ASPH: variants seen among roughly 807,000 people sequenced by gnomAD.
ASPH encodes the protein aspartate beta-hydroxylase.
ASPH carries 100 observed loss-of-function variants against 118.4 expected under a neutral mutation model. The observed-to-expected ratio is 0.84, with a 90% CI of 0.72 to 1.00. The LOEUF is 1.00. ASPH is among the 50% of genes least tolerant of loss of function. The pLI is 0.00. For synonymous variants in ASPH, 315 were observed against 325.6 expected (o/e 0.97, Z 0.35); for missense variants, 920 against 919.5 (o/e 1.00, Z -0.01).
At chr8:61,585,787 G>A (rs1344641589) in intron 14 of ASPH, among the ~76,000 whole-genome samples, 1 of 152,162 alleles carries the variant, frequency 6.6e-6, no homozygotes, top group Non-Finnish European at 1.5e-5. Flanking sequence ...AGGGAAGGCT[G>A]TGTGGTTAAG....
intron 3 of ASPH, among the ~76,000 whole-genome samples, chr8:61,669,156 C>T (rs1379968694): frequency 6.6e-6 from 1 of 152,134 alleles, no homozygotes; most frequent in African/African-American, 2.4e-5. Flanking sequence ...CAAGAAAGTC[C>T]CCAAAGCCAT....
intron 1 of ASPH, chr8:61,687,671 T>G (rs1831069417): frequency 6.6e-6 from 1 of 152,196 alleles, no homozygotes; most frequent in African/African-American, 2.4e-5. Context: ...TAATCTTCAG[T>G]ACAAGACAGT....
Position 61,680,969 on chromosome 8 carries a change from T to A in ASPH, c.321A>T (p.Leu107Phe). ...DFDVDDAKVL[L>F]GLKERSTSEP... is the part of the protein sequence containing the mutation. ...AAAAAACATAAAATGTGTACTTGCC[T>A]AATAAAACTTTGGCATCATCCACAT... Residue 107 changes from leucine (L) to phenylalanine (F), a missense_variant and splice_region_variant, in exon 3 of 25, where the codon TTA becomes TTT. Physicochemically the swap from Leu to Phe is conservative, Grantham distance 22. Transcript: ENST00000379454. 1.7e-5 allele frequency: 27 copies of A among 1,599,578 alleles called. No homozygotes were observed. The highest frequency in any genetic ancestry group is 2.3e-5 in the Non-Finnish European group (27 of 1,172,598).
intron 3 of ASPH, chr8:61,675,651 C>A: frequency 1.0e-6 from 1 of 980,900 alleles, no homozygotes; most frequent in African/African-American, 1.7e-5. Flanking sequence ...AAAAATCATG[C>A]CAGAAATATT....
intron 22 of ASPH, among the ~76,000 whole-genome samples, chr8:61,522,913 G>A (rs1458549578): frequency 1.3e-5 from 2 of 151,996 alleles, no homozygotes; most frequent in African/African-American, 4.8e-5. Context: ...CTCCTTAAAG[G>A]CCCTATCACC....
chr8:61,578,858 C>A, intron 15 of ASPH: 3 of 1,612,738 alleles, frequency 1.9e-6, no homozygotes, highest in Middle Eastern at 1.7e-4. Flanking sequence ...TGGAGTCTCG[C>A]CTGGAAGGGC....
intron 16 of ASPH, among the ~76,000 whole-genome samples, chr8:61,569,173 AT>A (rs796996750): frequency 1.3e-5 from 2 of 152,290 alleles, no homozygotes; most frequent in African/African-American, 4.8e-5. Context: ...GGATATTTCT[AT>A]TTTCTTAACG....
rs547217456 is a variant in ASPH at position 61,626,355 on chromosome 8, A to G, written c.934+7328T>C. ...TGTGAAACTGCTTCATTTTCATTCT[A>G]CTTTTTAAAAAACCCACCAACAAAG... On this transcript the variant is annotated intron_variant, in intron 13 of 24. Transcript: ENST00000379454. 10 of 1,357,808 alleles carry G rather than the reference A, an allele frequency of 7.4e-6. No individual in the cohort carries two copies. In the African/African-American group the frequency reaches 1.4e-4, roughly 18 times the overall value. The allele number at this position is 1,357,808 out of a possible 1,614,324, so 84.1% of individuals were successfully genotyped here.
Position 61,503,521 on chromosome 8 carries a change from A to C in ASPH, c.2127-12T>G, listed in dbSNP as rs375137816. 5 of 1,606,234 alleles carry C rather than the reference A, an allele frequency of 3.1e-6. No homozygotes were observed. The East Asian group carries it at 1.1e-4, about 36-fold the overall frequency. ...CTTCCTCCCAGGTCCTGCAGCAGAA[A>C]GACAAGGATTCCTGAATATAGTTTT... On this transcript the variant is annotated splice_polypyrimidine_tract_variant and intron_variant, in intron 24 of 24. Coordinates refer to ENST00000379454, the MANE Select transcript of ASPH (RefSeq NM_004318.4).
chr8:61,505,372 G>C (rs1001469905), intron 24 of ASPH, among the ~76,000 whole-genome samples: 1 of 151,914 alleles, frequency 6.6e-6, no homozygotes, highest in African/African-American at 2.4e-5. Flanking sequence ...GCGCATGCCT[G>C]TAATCCCAGC....
intron 3 of ASPH, chr8:61,675,400 C>T: frequency 1.0e-6 from 1 of 982,906 alleles, no homozygotes; most frequent in Non-Finnish European, 1.2e-6. Context: ...ATAAATTTTG[C>T]TTTCACAGAC....
chr8:61,550,860 G>A (rs1284304804), intron 20 of ASPH, among the ~76,000 whole-genome samples: 1 of 152,140 alleles, frequency 6.6e-6, no homozygotes, highest in Non-Finnish European at 1.5e-5. Context: ...GGAGGGTGAG[G>A]GGGATGCCAA....
intron 14 of ASPH, among the ~76,000 whole-genome samples, chr8:61,611,159 C>T (rs903708743): frequency 5.3e-5 from 8 of 152,144 alleles, no homozygotes; most frequent in Non-Finnish European, 7.4e-5. Context: ...AATTTGAGGG[C>T]GATGGATTAG....
intron 24 of ASPH, among the ~76,000 whole-genome samples, chr8:61,509,666 C>A (rs1236434034): frequency 1.7e-4 from 26 of 152,162 alleles, no homozygotes; most frequent in Admixed American, 1.7e-3. Context: ...TTTACCCAGC[C>A]CCTATTCAAG....
intron 21 of ASPH, among the ~76,000 whole-genome samples, chr8:61,527,669 A>T (rs964820755): frequency 2.0e-5 from 3 of 152,144 alleles, no homozygotes; most frequent in Non-Finnish European, 4.4e-5. Flanking sequence ...TGGAAAGTAC[A>T]CTCCCAGGAA....
intron 3 of ASPH, chr8:61,664,675 A>C: frequency 1.0e-6 from 1 of 985,628 alleles, no homozygotes; most frequent in Non-Finnish European, 1.2e-6. Flanking sequence ...GGGAGATAAG[A>C]GGGAAAAGGG....
intron 1 of ASPH, chr8:61,689,736 CA>C (rs376381586): frequency 4.3e-3 from 5,024 of 1,161,288 alleles, no homozygotes; most frequent in Admixed American, 0.011. Flanking sequence ...TAAAACAAAA[CA>C]AAAAAAAAAA....
At chr8:61,625,895 T>C (rs1852588128) in intron 13 of ASPH, 1 of 1,022,746 alleles carries the variant, frequency 9.8e-7, no homozygotes, top group Non-Finnish European at 1.2e-6. Flanking sequence ...ACTAATAATA[T>C]ATGAAAACCC....
At chr8:61,517,354 G>A (rs1291764616) in intron 24 of ASPH, 174 bp downstream of exon 24, 5 of 905,850 alleles carry the variant, frequency 5.5e-6, no homozygotes, top group Non-Finnish European at 8.1e-6. Flanking sequence ...ATGTCTCCAG[G>A]CTAATAGAAA....
Sources: gnomAD v4.1 joint callset for allele counts (sites outside exome capture counted in the v4.1 genomes callset) on GRCh38, gnomAD v4.1.1 for gene constraint, MANE v1.5 for transcripts, NCBI Gene and HGNC (gene_info 2026-07-23, HGNC 2026-07-21) for gene names.